Variants in DIAPH2 observed in about 807,000 individuals in gnomAD.
The protein encoded by DIAPH2 is protein diaphanous homolog 2.
Under a neutral mutation model 92.7 loss-of-function variants are expected in DIAPH2, and 35 were observed. The observed-to-expected ratio is 0.38, with a 90% confidence interval of 0.29 to 0.50. The LOEUF (loss-of-function observed/expected upper bound fraction) is 0.50, where lower values mean the gene tolerates loss of function less well. Ranked by LOEUF, DIAPH2 falls within the 20% of genes least tolerant of loss-of-function variation. The pLI is 0.94. For synonymous variants in DIAPH2, 301 were observed against 280.4 expected, an observed-to-expected ratio of 1.07 and a Z score of -0.73; for missense variants, 701 against 819.5, an observed-to-expected ratio of 0.86 and a Z score of 1.77.
chrX:96,747,606 TTTG>T (rs2064158784), intron 3 of DIAPH2, among the ~76,000 whole-genome samples: 1 of 112,040 alleles, frequency 8.9e-6, no homozygotes, highest in African/African-American at 3.2e-5. Context: ...CCTTTTAATT[TTTG>T]TTCTCTCACT....
intron 4 of DIAPH2, among the ~76,000 whole-genome samples, chrX:96,785,613 A>G (rs2064450448): frequency 9.4e-6 from 1 of 106,287 alleles, no homozygotes; most frequent in South Asian, 4.3e-4. Context: ...CTGGCATTAC[A>G]GGTGCCTGCC....
intron 4 of DIAPH2, among the ~76,000 whole-genome samples, chrX:96,837,353 CTCTT>C (rs1379239872): frequency 1.9e-5 from 2 of 107,879 alleles, no homozygotes; most frequent in African/African-American, 6.9e-5. Flanking sequence ...CTTTCTCTCT[CTCTT>C]TCTCTGTCTC....
At chrX:97,161,982 G>A (rs2067377623) in intron 22 of DIAPH2, among the ~76,000 whole-genome samples, 2 of 111,011 alleles carry the variant, frequency 1.8e-5, no homozygotes, top group Admixed American at 9.6e-5. Flanking sequence ...TCTGTCCTCC[G>A]AAGTTTAACT....
intron 5 of DIAPH2, among the ~76,000 whole-genome samples, chrX:96,907,761 A>C (rs905508517): frequency 2.7e-5 from 3 of 112,050 alleles, no homozygotes; most frequent in African/African-American, 9.7e-5. Flanking sequence ...CATAAGACCC[A>C]GCTGTTCCAC....
intron 26 of DIAPH2, among the ~76,000 whole-genome samples, chrX:97,531,114 A>G (rs963004941): frequency 9.0e-6 from 1 of 111,146 alleles, no homozygotes; most frequent in African/African-American, 3.3e-5. Context: ...AGTGTCATAA[A>G]TCTATTATAT....
intron 22 of DIAPH2, among the ~76,000 whole-genome samples, chrX:97,154,831 C>A (rs937860864): frequency 1.8e-5 from 2 of 112,321 alleles, no homozygotes; most frequent in African/African-American, 6.5e-5. Context: ...TGCACTTATT[C>A]ATGTATCTTT....
At chrX:97,056,024 A>C (rs1380382146) in intron 17 of DIAPH2, among the ~76,000 whole-genome samples, 1 of 111,521 alleles carries the variant, frequency 9.0e-6, no homozygotes, top group Non-Finnish European at 1.9e-5. Context: ...CTCAACTAAG[A>C]GAATAGTGCT....
intron 26 of DIAPH2, among the ~76,000 whole-genome samples, chrX:97,439,282 A>C (rs995389580): frequency 3.6e-5 from 4 of 111,297 alleles, no homozygotes; most frequent in African/African-American, 1.3e-4. Context: ...TTTATTTGAA[A>C]ATTAGCCAGG....
chrX:96,760,207 T>A lies in DIAPH2; in HGVS notation c.447+1949T>A, dbSNP rs765930113. Among the ~76,000 whole-genome samples the A allele has an allele frequency of 5.4e-5, 6 of 111,965 alleles. No homozygotes were observed. The South Asian group carries it at 2.2e-3, about 41-fold the overall frequency. On this transcript the variant is annotated intron_variant, in intron 4 of 26. Coordinates refer to ENST00000324765, the MANE Select transcript of DIAPH2 (RefSeq NM_006729.5). ...GTTGACAAGCATTTTTGAAGCTTTC[T>A]CATCTTGGAAAGACGTTAATTAGTA...
At chrX:96,753,262 C>T (rs902148692) in intron 3 of DIAPH2, among the ~76,000 whole-genome samples, 2 of 111,434 alleles carry the variant, frequency 1.8e-5, no homozygotes, top group Non-Finnish European at 3.8e-5. Flanking sequence ...GAGACATAGC[C>T]CAGCATATGT....
intron 1 of DIAPH2, among the ~76,000 whole-genome samples, chrX:96,694,884 T>C (rs767853536): frequency 9.0e-6 from 1 of 110,619 alleles, no homozygotes; most frequent in Non-Finnish European, 1.9e-5. Flanking sequence ...TGTTTTTCAT[T>C]GACATTGCAT....
intron 19 of DIAPH2, among the ~76,000 whole-genome samples, chrX:97,099,414 C>T (rs775425038): frequency 1.7e-3 from 187 of 111,240 alleles, no homozygotes; most frequent in South Asian, 8.0e-3. Flanking sequence ...GAATTTTACT[C>T]GGTTTTGGAA....
intron 22 of DIAPH2, among the ~76,000 whole-genome samples, chrX:97,231,653 T>G (rs2068010391): frequency 1.8e-5 from 2 of 111,621 alleles, no homozygotes; most frequent in African/African-American, 3.3e-5. Flanking sequence ...TTTGAAAATA[T>G]GGGAAACAAA....
chrX:96,838,989 G>T (rs1311842670), intron 4 of DIAPH2, among the ~76,000 whole-genome samples: 4 of 111,521 alleles, frequency 3.6e-5, no homozygotes, highest in Admixed American at 2.9e-4. Context: ...ATGTATATTT[G>T]AATCTTCATT....
chrX:96,910,728 A>T (rs776012465), intron 5 of DIAPH2, among the ~76,000 whole-genome samples: 1 of 111,642 alleles, frequency 9.0e-6, no homozygotes, highest in South Asian at 3.8e-4. Context: ...TTTAGTGGCT[A>T]TATATGAGCT....
intron 26 of DIAPH2, among the ~76,000 whole-genome samples, chrX:97,431,957 T>C (rs920343699): frequency 8.9e-4 from 100 of 112,180 alleles, no homozygotes; most frequent in African/African-American, 3.1e-3. Flanking sequence ...CTTAGGCACC[T>C]GATTTGTTTC....
intron 1 of DIAPH2, among the ~76,000 whole-genome samples, chrX:96,697,988 T>C (rs774183069): frequency 9.0e-6 from 1 of 111,730 alleles, no homozygotes; most frequent in South Asian, 3.8e-4. Context: ...TTAAGGCTAC[T>C]TGAACACAGT....
At chrX:97,523,562 C>G (rs1602647247) in intron 26 of DIAPH2, among the ~76,000 whole-genome samples, 1 of 111,591 alleles carries the variant, frequency 9.0e-6, no homozygotes, top group African/African-American at 3.3e-5. Context: ...TACCAGGGTT[C>G]ACTTTGTGGA....
intron 17 of DIAPH2, among the ~76,000 whole-genome samples, chrX:97,035,848 G>A (rs540278613): frequency 6.4e-5 from 7 of 109,072 alleles, no homozygotes; most frequent in Non-Finnish European, 9.5e-5. Context: ...GTCTCTACAA[G>A]AAATAAAAAA....
Sources: gnomAD v4.1 joint callset for allele counts (sites outside exome capture counted in the v4.1 genomes callset) on GRCh38, gnomAD v4.1.1 for gene constraint, MANE v1.5 for transcripts, NCBI Gene and HGNC (gene_info 2026-07-23, HGNC 2026-07-21) for gene names.